The following NYAP2 variants were observed in gnomAD, a reference collection of about 807,000 sequenced individuals.
NYAP2 encodes neuronal tyrosine-phosphorylated phosphoinositide-3-kinase adapter 2.
Under a neutral mutation model 50.4 loss-of-function variants are expected in NYAP2, and 23 were observed. That is an observed-to-expected ratio of 0.46 (90% CI 0.33 to 0.65). The LOEUF (loss-of-function observed/expected upper bound fraction) is 0.65, where lower values mean the gene tolerates loss of function less well. Among genes scored for constraint, NYAP2 ranks in the 30% least tolerant of loss-of-function variants. The pLI is 0.02. For synonymous variants in NYAP2, 394 were observed against 365.2 expected, an observed-to-expected ratio of 1.08 and a Z score of -0.90; for missense variants, 885 against 861.0, an observed-to-expected ratio of 1.03 and a Z score of -0.35.
At chr2:225,694,058 G>A in the NYAP2 span, among the ~76,000 whole-genome samples, 1 of 152,026 alleles carries the variant, frequency 6.6e-6, no homozygotes, top group African/African-American at 2.4e-5. Context: ...CATATGAATT[G>A]AACAACTGTC....
At chr2:225,579,951 G>C (rs1055054821) in intron 4 of NYAP2, among the ~76,000 whole-genome samples, 1 of 152,132 alleles carries the variant, frequency 6.6e-6, no homozygotes, top group African/African-American at 2.4e-5. Context: ...CCATCTCAGG[G>C]ACACACACTA....
chr2:225,665,546 G>A, the NYAP2 span, among the ~76,000 whole-genome samples: 9 of 150,942 alleles, frequency 6.0e-5, no homozygotes, highest in Non-Finnish European at 1.3e-4. Flanking sequence ...TGCCAGGAGA[G>A]GGCAGCACAC....
At chr2:225,535,108 T>C (rs567530377) in intron 4 of NYAP2, among the ~76,000 whole-genome samples, 7 of 152,270 alleles carry the variant, frequency 4.6e-5, no homozygotes, top group African/African-American at 1.4e-4. Context: ...GTCTTAGAAG[T>C]TAAATGCCAA....
chr2:225,449,584 T>G (rs1308528522), intron 3 of NYAP2, among the ~76,000 whole-genome samples: 1 of 149,386 alleles, frequency 6.7e-6, no homozygotes, highest in Non-Finnish European at 1.5e-5. Context: ...AAACCAGATC[T>G]CTCTCTCTCT....
chr2:225,660,940 G>T, the NYAP2 span, among the ~76,000 whole-genome samples: 1 of 152,130 alleles, frequency 6.6e-6, no homozygotes, highest in Non-Finnish European at 1.5e-5. Context: ...TTATGAATAT[G>T]TGCAGCTGTT....
At chr2:225,693,715 C>T in the NYAP2 span, among the ~76,000 whole-genome samples, 1 of 152,000 alleles carries the variant, frequency 6.6e-6, no homozygotes, top group Middle Eastern at 3.4e-3. Flanking sequence ...AGTACTAGTC[C>T]CATGCACCTC....
In NYAP2 at chr2:225,648,785, G is replaced by A. The variant is rs1461096511; in HGVS notation, c.1829-2647G>A. Among the ~76,000 whole-genome samples the A allele has an allele frequency of 7.2e-5, 11 of 152,222 alleles. No homozygotes were observed. The East Asian group carries it at 1.9e-3, about 27-fold the overall frequency. ...GACAGCCTAGGGACCAGGAAGCACA[G>A]GGGCTCAAAATCAAAAAGGAGCATG... On this transcript the variant is annotated intron_variant, in intron 6 of 6. Coordinates refer to ENST00000636099, the Ensembl canonical transcript of NYAP2.
At chr2:225,594,478 G>A (rs1029568412) in intron 5 of NYAP2, among the ~76,000 whole-genome samples, 4 of 152,010 alleles carry the variant, frequency 2.6e-5, no homozygotes, top group Non-Finnish European at 5.9e-5. Flanking sequence ...AGCCGAGATC[G>A]TGCCACTGCA....
At chr2:225,478,745 T>C (rs1690159902) in intron 3 of NYAP2, among the ~76,000 whole-genome samples, 1 of 152,210 alleles carries the variant, frequency 6.6e-6, no homozygotes, top group Admixed American at 6.5e-5. Context: ...AACATGAGAT[T>C]GGAGTAATTC....
intron 3 of NYAP2, among the ~76,000 whole-genome samples, chr2:225,492,687 T>C (rs1393674745): frequency 4.6e-5 from 7 of 152,092 alleles, no homozygotes; most frequent in Admixed American, 3.3e-4. Flanking sequence ...TCAGGAAGTG[T>C]TTACTCATGG....
rs1447571353 is a variant in NYAP2, at chr2:225,582,531, A to T, written c.1114A>T (p.Met372Leu). 2 of 1,568,998 alleles carry T rather than the reference A, an allele frequency of 1.3e-6. No individual in the cohort carries two copies. The highest frequency in any genetic ancestry group is 3.6e-5 in the Admixed American group (2 of 55,088). Reference sequence around the variant, plus strand: ...TCCCGTGCTGGAAAACGTGTCTTACATGAAACAGCCAGCCGGGGCGTCGCC... The same window carrying T: ...TCCCGTGCTGGAAAACGTGTCTTACTTGAAACAGCCAGCCGGGGCGTCGCC... Residue 372 changes from methionine to leucine, a missense_variant, in exon 5 of 7, where the codon ATG (methionine) becomes TTG (leucine). Physicochemically the swap from Met to Leu is conservative, Grantham distance 15. Transcript: ENST00000636099. This position sits in a 1 kb window ranked among gnomAD's most constrained non-coding sequence, Gnocchi z 7.0.
chr2:225,591,683 G>A (rs962003089), intron 5 of NYAP2, among the ~76,000 whole-genome samples: 4 of 152,064 alleles, frequency 2.6e-5, no homozygotes, highest in African/African-American at 7.2e-5. Context: ...AGTCACATGG[G>A]GAGTAAATCT....
intron 4 of NYAP2, among the ~76,000 whole-genome samples, chr2:225,573,625 G>A (rs2106223539): frequency 6.6e-6 from 1 of 152,266 alleles, no homozygotes; most frequent in East Asian, 1.9e-4. Flanking sequence ...ATGTGACAAT[G>A]GCTGGGGCCT....
At chr2:225,643,085 G>A (rs1022954653) in intron 6 of NYAP2, among the ~76,000 whole-genome samples, 1 of 151,958 alleles carries the variant, frequency 6.6e-6, no homozygotes, top group Non-Finnish European at 1.5e-5. Context: ...GTATCTTTGA[G>A]GTCATTCAAT....
intron 5 of NYAP2, among the ~76,000 whole-genome samples, chr2:225,605,719 C>T (rs896127340): frequency 5.3e-5 from 8 of 151,886 alleles, no homozygotes; most frequent in Non-Finnish European, 1.2e-4. Flanking sequence ...AGTAGTGAAA[C>T]ATTTTTCTTT....
chr2:225,703,222 T>C, the NYAP2 span: 1 of 151,770 alleles, frequency 6.6e-6, no homozygotes, highest in Non-Finnish European at 1.5e-5. Flanking sequence ...TTTTAGTGGA[T>C]AACGGCACTA....
rs1050658506 is a variant in NYAP2, at chr2:225,627,998, G to A, written c.1828+872G>A. Among the ~76,000 whole-genome samples the A allele has an allele frequency of 1.2e-4, 19 of 152,232 alleles. 1 individual carries two copies. Among genetic ancestry groups the A allele is most frequent in the African/African-American group, 4.3e-4 (18 of 41,534 alleles). On this transcript the variant is annotated intron_variant, in intron 6 of 6. Coordinates refer to ENST00000636099, the Ensembl canonical transcript of NYAP2. The stretch of plus-strand genomic sequence containing the variant: ...AGCAATTTACATGAATTTAGCTTGT[G>A]GTCTCTCAGACAGTCGTGCACAAGT...
At chr2:225,551,395 G>C (rs113677952) in intron 4 of NYAP2, among the ~76,000 whole-genome samples, 1 of 152,342 alleles carries the variant, frequency 6.6e-6, no homozygotes, top group African/African-American at 2.4e-5. Context: ...ACTACATGAA[G>C]TGAGATGCTA....
intron 4 of NYAP2, among the ~76,000 whole-genome samples, chr2:225,575,652 A>T (rs910084603): frequency 2.0e-5 from 3 of 152,224 alleles, no homozygotes; most frequent in Admixed American, 6.5e-5. Context: ...CAGATTTATG[A>T]CTTAGTGGCT....
Sources: allele counts gnomAD v4.1 joint callset (sites outside exome capture counted in the v4.1 genomes callset), GRCh38; gene constraint gnomAD v4.1.1; non-coding constraint Gnocchi (gnomAD v3.1); transcripts MANE v1.5; gene names NCBI Gene and HGNC (gene_info 2026-07-23, HGNC 2026-07-21).